The following IHO1 variants were observed in gnomAD, a reference collection of about 807,000 sequenced individuals.
IHO1 encodes interactor of HORMAD1 protein 1.
IHO1 carries 13 observed loss-of-function variants against 31.0 expected under a neutral mutation model. The ratio of observed to expected loss-of-function variants is 0.42; its 90% CI spans 0.27 to 0.67. The LOEUF (loss-of-function observed/expected upper bound fraction) is 0.67. Ranked by LOEUF, IHO1 falls within the 30% of genes least tolerant of loss-of-function variation. The pLI, the probability that IHO1 is intolerant of heterozygous loss-of-function variation, is 0.24. For missense variants in IHO1, 599 were observed against 687.5 expected (o/e 0.87, Z 1.44); for synonymous variants, 221 against 248.4 (o/e 0.89, Z 1.04).
intron 3 of IHO1, among the ~76,000 whole-genome samples, chr3:49,238,301 G>A (rs1164774910): frequency 6.6e-6 from 1 of 151,422 alleles, no homozygotes; most frequent in Non-Finnish European, 1.5e-5. Context: ...GTTTTGTTTT[G>A]TTTTGTTTTT....
rs150223013 is a variant in IHO1, at chr3:49,213,812, C to T, written c.56+1976C>T. On this transcript the variant is annotated intron_variant, in intron 2 of 7. Coordinates refer to ENST00000452691, the MANE Select transcript of IHO1 (RefSeq NM_001135197.2). Reference sequence around the variant, plus strand: ...TGCATGCGCAGCCCTGGTTTCTGCCCGTGCCTCTCCATCACACCTCCCTGC... The same window carrying T: ...TGCATGCGCAGCCCTGGTTTCTGCCTGTGCCTCTCCATCACACCTCCCTGC... 933 of 186,728 alleles carry T rather than the reference C, an allele frequency of 5.0e-3. 9 individuals carry two copies. The highest frequency in any genetic ancestry group is 0.021 in the African/African-American group (880 of 42,910). The allele number at this position is 186,728 out of a possible 1,614,324, so 11.6% of individuals were successfully genotyped here. A position where few individuals can be genotyped will look rare whatever the true frequency, so the allele number is the denominator to read the frequency against.
intron 1 of IHO1, among the ~76,000 whole-genome samples, chr3:49,205,501 A>T (rs1575563505): frequency 6.6e-6 from 1 of 151,276 alleles, no homozygotes; most frequent in East Asian, 2.0e-4. Context: ...GTATATTTTT[A>T]GTAGAGATGG....
intron 2 of IHO1, among the ~76,000 whole-genome samples, chr3:49,227,235 C>G (rs2046428742): frequency 6.6e-6 from 1 of 152,164 alleles, no homozygotes; most frequent in African/African-American, 2.4e-5. Flanking sequence ...CCATTTTTCC[C>G]CATCAGAGAA....
chr3:49,255,541 C>A, intron 7 of IHO1, 48 bp downstream of exon 7: 47 of 962,578 alleles, frequency 4.9e-5, no homozygotes, highest in Non-Finnish European at 6.1e-5. Flanking sequence ...GGGCTTTGAA[C>A]TAGACCCAGA....
intron 6 of IHO1, among the ~76,000 whole-genome samples, chr3:49,252,450 C>T (rs964942705): frequency 4.0e-5 from 6 of 151,854 alleles, no homozygotes; most frequent in Admixed American, 1.3e-4. Flanking sequence ...ATAGGTTCTC[C>T]CTCTGTCATC....
chr3:49,253,427 A>AAAAG (rs1445260095), intron 6 of IHO1, among the ~76,000 whole-genome samples: 1 of 152,130 alleles, frequency 6.6e-6, no homozygotes, highest in East Asian at 1.9e-4. Context: ...CTGTCTCAAA[A>AAAAG]AAAGAAAGAA....
the IHO1 span, among the ~76,000 whole-genome samples, chr3:49,193,168 T>C: frequency 6.6e-6 from 1 of 151,138 alleles, no homozygotes; most frequent in African/African-American, 2.4e-5. Context: ...CTCAGGAGTT[T>C]GAGACCAGCC....
In IHO1 at chr3:49,257,771, A is replaced by G. The variant is rs187122137; in HGVS notation, c.*489A>G. 6.4e-6 allele frequency: 1 copy of G among 157,412 alleles called. No individual in the cohort carries two copies. Among genetic ancestry groups the G allele is most frequent in the East Asian group, 1.9e-4 (1 of 5,294 alleles). The allele number at this position is 157,412 out of a possible 1,614,324, so 9.8% of individuals were successfully genotyped here. A position where few individuals can be genotyped will look rare whatever the true frequency, so the allele number is the denominator to read the frequency against. ...CCACTTATGCTACCAGAATGTTTGC[A>G]TTTTTTGATCAGTAGACATATTACA... is the stretch of plus-strand genomic sequence containing the variant. On this transcript the variant is annotated 3_prime_UTR_variant, in exon 8 of 8. Transcript: ENST00000452691.
intron 4 of IHO1, among the ~76,000 whole-genome samples, chr3:49,242,273 A>G (rs1239274320): frequency 6.6e-6 from 1 of 151,734 alleles, no homozygotes; most frequent in Non-Finnish European, 1.5e-5. Flanking sequence ...CTTCGATCAG[A>G]GGCACACACA....
At chr3:49,226,930 G>A (rs1274578222) in intron 2 of IHO1, among the ~76,000 whole-genome samples, 8 of 152,212 alleles carry the variant, frequency 5.3e-5, no homozygotes, top group African/African-American at 1.2e-4. Context: ...GGACGTAACC[G>A]ATAACCTGGG....
chr3:49,232,890 G>C lies in IHO1; in HGVS notation c.57-3658G>C, dbSNP rs537240771. ...TCAATCTTGGCTGGCAATAACGCCT[G>C]GATGTAATGACTCTATGACACATTT... is the stretch of plus-strand genomic sequence containing the variant. On this transcript the variant is annotated intron_variant, in intron 2 of 7. Transcript: ENST00000452691. Among the ~76,000 whole-genome samples the C allele has an allele frequency of 9.9e-5, 15 of 152,234 alleles. No individual in the cohort carries two copies. The East Asian group carries it at 2.5e-3, about 25-fold the overall frequency.
intron 6 of IHO1, among the ~76,000 whole-genome samples, chr3:49,248,119 C>T (rs1267355557): frequency 1.9e-5 from 2 of 103,476 alleles, no homozygotes; most frequent in Non-Finnish European, 3.9e-5. Flanking sequence ...AGTGAGACTC[C>T]ATCTCAAAAA....
chr3:49,246,173 C>T (rs2046691609), intron 6 of IHO1, among the ~76,000 whole-genome samples: 1 of 136,576 alleles, frequency 7.3e-6, no homozygotes, highest in Non-Finnish European at 1.5e-5. Flanking sequence ...CAGAGCGAGA[C>T]TCCGTCAAAA....
At chr3:49,212,021 G>A (rs368853917) in intron 2 of IHO1, among the ~76,000 whole-genome samples, 185 bp downstream of exon 2, 276 of 151,844 alleles carry the variant, frequency 1.8e-3, no homozygotes, top group Non-Finnish European at 3.5e-3. Context: ...AAATTTAGCC[G>A]GGCATGGTGG....
intron 2 of IHO1, among the ~76,000 whole-genome samples, chr3:49,230,035 G>T (rs1246610746): frequency 6.6e-6 from 1 of 152,154 alleles, no homozygotes; most frequent in East Asian, 1.9e-4. Flanking sequence ...TCCTGCCAAG[G>T]TTTAGGATAT....
rs1204626030 is a variant in IHO1, at chr3:49,256,799, A to G, written c.1302A>G (p.Val434=). 6.2e-7 allele frequency: 1 copy of G among 1,614,146 alleles called. No individual in the cohort carries two copies. The highest frequency in any genetic ancestry group is 8.5e-7 in the Non-Finnish European group (1 of 1,180,064). Residue 434 remains valine (V), a synonymous_variant, in exon 8 of 8, where the codon GTA becomes GTG. Coordinates refer to ENST00000452691, the MANE Select transcript of IHO1 (RefSeq NM_001135197.2). The surrounding 1 kb of genome is among the most constrained non-coding windows in gnomAD (Gnocchi z 4.6). ...HLVIKQKDGT[V]EMRGKDKKQQ... is the part of the protein sequence containing the mutation. ...TGATTAAACAGAAAGATGGGACTGT[A>G]GAAATGCGGGGGAAAGACAAGAAGC...
At chr3:49,248,743 A>G (rs565104508) in intron 6 of IHO1, among the ~76,000 whole-genome samples, 1 of 152,284 alleles carries the variant, frequency 6.6e-6, no homozygotes, top group East Asian at 1.9e-4. Flanking sequence ...AGAAAAAGAA[A>G]GAAAAAAGAC....
chr3:49,202,779 G>A (rs1364824887), intron 1 of IHO1, among the ~76,000 whole-genome samples: 1 of 148,380 alleles, frequency 6.7e-6, no homozygotes, highest in East Asian at 2.0e-4. Context: ...GGGTTCAAGC[G>A]ATTCTCCTGC....
At chr3:49,202,077 C>T (rs929436804) in intron 1 of IHO1, among the ~76,000 whole-genome samples, 1 of 151,934 alleles carries the variant, frequency 6.6e-6, no homozygotes, top group South Asian at 2.1e-4. Context: ...GGTTCTAGGG[C>T]TGTAGTAGTA....
Sources: allele counts gnomAD v4.1 joint callset (sites outside exome capture counted in the v4.1 genomes callset), GRCh38; gene constraint gnomAD v4.1.1; non-coding constraint Gnocchi (gnomAD v3.1); transcripts MANE v1.5; gene names NCBI Gene and HGNC (gene_info 2026-07-23, HGNC 2026-07-21).